Variants in CALB1 observed in about 807,000 individuals in gnomAD.
CALB1 encodes the protein calbindin.
In CALB1, 16 loss-of-function variants were observed where a neutral mutation model predicts 46.7. The observed-to-expected ratio is 0.34, with a 90% CI of 0.23 to 0.52. The LOEUF is 0.52. CALB1 is among the 20% of genes least tolerant of loss of function. The pLI is 0.95. For missense variants in CALB1, 224 were observed against 300.3 expected (o/e 0.75, Z 1.88); for synonymous variants, 90 against 112.8 (o/e 0.80, Z 1.28).
chr8:90,071,050 A>C (rs368356663), intron 3 of CALB1, among the ~76,000 whole-genome samples: 68 of 152,286 alleles, frequency 4.5e-4, no homozygotes, highest in African/African-American at 1.5e-3. Flanking sequence ...AAGAGGTTGA[A>C]TGATGACCTG....
chr8:90,071,786 G>A (rs1220766708), intron 3 of CALB1, among the ~76,000 whole-genome samples: 1 of 152,122 alleles, frequency 6.6e-6, no homozygotes, highest in Admixed American at 6.5e-5. Context: ...ATGAATATAA[G>A]TGTTCATTTA....
At chr8:90,082,557 G>T in intron 1 of CALB1, 62 bp downstream of exon 1, 2 of 1,346,092 alleles carry the variant, frequency 1.5e-6, no homozygotes, top group Non-Finnish European at 2.1e-6. Flanking sequence ...TCAGAAAAGG[G>T]CAAAGAATGG....
intron 3 of CALB1, among the ~76,000 whole-genome samples, chr8:90,076,446 C>G (rs899862137): frequency 6.6e-6 from 1 of 152,030 alleles, no homozygotes; most frequent in East Asian, 1.9e-4. Context: ...TAAAATAGAT[C>G]TTCATTTTAT....
intron 3 of CALB1, among the ~76,000 whole-genome samples, chr8:90,075,181 A>G (rs1190741997): frequency 6.6e-6 from 1 of 152,212 alleles, no homozygotes; most frequent in Non-Finnish European, 1.5e-5. Context: ...TAGCAAATGC[A>G]TGTTGTTAGA....
intron 2 of CALB1, among the ~76,000 whole-genome samples, chr8:90,080,040 C>A (rs1461096890): frequency 2.6e-5 from 4 of 151,802 alleles, no homozygotes; most frequent in Non-Finnish European, 5.9e-5. Flanking sequence ...AACTCTGAAT[C>A]CACATCTTGA....
rs1299660601 is a variant in CALB1 at position 90,069,191 on chromosome 8, C to G, written c.278G>C (p.Arg93Pro). ...PTEENFLLLFRCQQLKSCEEF... is the reference protein window; with the variant it reads ...PTEENFLLLFPCQQLKSCEEF... ...CTCACAGGACTTCAGCTGCTGGCAT[C>G]GGAAGAGCAGCAGGAAATTCTCTTC... The change falls in exon 4 of 11, where the codon CGA (arginine) becomes CCA (proline). Residue 93 changes from arginine to proline, a missense_variant. Transcript: ENST00000265431. 2 of 1,613,932 alleles carry G rather than the reference C, an allele frequency of 1.2e-6. No homozygotes were observed. Among genetic ancestry groups the G allele is most frequent in the South Asian group, 1.1e-5 (1 of 91,066 alleles).
chr8:90,078,476 T>C, intron 2 of CALB1, 29 bp from the exon 3 acceptor site: 1 of 1,352,304 alleles, frequency 7.4e-7, no homozygotes, highest in Non-Finnish European at 1.0e-6. Flanking sequence ...AGGTAGGAGG[T>C]TTGTTAAAAA....
chr8:90,077,383 A>G (rs1814640951), intron 3 of CALB1, among the ~76,000 whole-genome samples: 1 of 152,082 alleles, frequency 6.6e-6, no homozygotes, highest in Non-Finnish European at 1.5e-5. Context: ...CAATTATTTG[A>G]AAACCAGGTT....
intron 3 of CALB1, among the ~76,000 whole-genome samples, chr8:90,074,012 A>C (rs1457979628): frequency 6.6e-6 from 1 of 151,304 alleles, no homozygotes; most frequent in African/African-American, 2.4e-5. Flanking sequence ...TTAGCCAAGC[A>C]TTCATTTTTT....
At chr8:90,062,245 A>G (rs13249920) in intron 9 of CALB1, 1 of 152,094 alleles carries the variant, frequency 6.6e-6, no homozygotes, top group Non-Finnish European at 1.5e-5. Flanking sequence ...CTAGAAGCAA[A>G]CAAACATAAG....
In CALB1 at chr8:90,063,040, G is replaced by C. The variant is rs978256050; in HGVS notation, c.600+60C>G. On this transcript the variant is annotated intron_variant, in intron 9 of 10. Coordinates refer to ENST00000265431, the MANE Select transcript of CALB1 (RefSeq NM_004929.4). ...ATTTTATACTTAAATTTTGTTAAGA[G>C]GATCTTATGTTGTGTTCTTACTTCA... is the stretch of plus-strand genomic sequence containing the variant. 5 of 1,197,970 alleles carry C rather than the reference G, an allele frequency of 4.2e-6. No individual in the cohort carries two copies. In the African/African-American group the frequency reaches 6.1e-5, roughly 15 times the overall value. 74.2% of individuals were successfully genotyped at this position (1,197,970 alleles called of 1,614,324 possible). A position where few individuals can be genotyped will look rare whatever the true frequency, so the allele number is the denominator to read the frequency against.
chr8:90,082,358 C>A (rs1814748408), intron 1 of CALB1: 1 of 602,718 alleles, frequency 1.7e-6, no homozygotes, highest in East Asian at 2.7e-5. Context: ...ATTCCCCAAT[C>A]CCTGCTCTCT....
Position 90,068,981 on chromosome 8 carries a change from A to G in CALB1, c.372+17T>C, listed in dbSNP as rs377552622. 1.9e-6 allele frequency: 3 copies of G among 1,590,314 alleles called. No homozygotes were observed. The highest frequency in any genetic ancestry group is 1.4e-5 in the African/African-American group (1 of 73,708). ...CATCTGAAAGGAAAAACTTAGTACA[A>G]GTTTTTATTTGCTTACCTTAAGCTC... On this transcript the variant is annotated intron_variant, in intron 5 of 10. Coordinates refer to ENST00000265431, the MANE Select transcript of CALB1 (RefSeq NM_004929.4).
chr8:90,063,048 T>C, intron 9 of CALB1, 52 bp downstream of exon 9: 1 of 1,287,082 alleles, frequency 7.8e-7, no homozygotes, highest in Non-Finnish European at 1.1e-6. Context: ...GAGGATCTTA[T>C]GTTGTGTTCT....
Position 90,060,075 on chromosome 8 carries a change from A to T in CALB1, c.*98T>A, listed in dbSNP as rs1478326738. The T allele has an allele frequency of 6.7e-6, 5 of 742,930 alleles. No individual in the cohort carries two copies. The Admixed American group carries it at 9.7e-5, about 14-fold the overall frequency. The allele number at this position is 742,930 out of a possible 1,614,324, so 46.0% of individuals were successfully genotyped here. The stretch of plus-strand genomic sequence containing the variant: ...TGGATAATTATCTATATGCAGTTAA[A>T]TTTACAGATATAAAAGAAAATACAG... On this transcript the variant is annotated 3_prime_UTR_variant, in exon 11 of 11. Coordinates refer to ENST00000265431, the MANE Select transcript of CALB1 (RefSeq NM_004929.4).
intron 6 of CALB1, among the ~76,000 whole-genome samples, chr8:90,064,784 A>C (rs898045619): frequency 6.6e-6 from 1 of 151,802 alleles, no homozygotes; most frequent in African/African-American, 2.4e-5. Flanking sequence ...ATGACCATGA[A>C]AACCTTTTTG....
intron 5 of CALB1, among the ~76,000 whole-genome samples, chr8:90,067,658 A>C (rs1814425784): frequency 6.6e-6 from 1 of 152,176 alleles, no homozygotes; most frequent in Admixed American, 6.5e-5. Flanking sequence ...TATGCTACTC[A>C]AACTATGTTG....
At chr8:90,072,759 G>A (rs1814555275) in intron 3 of CALB1, among the ~76,000 whole-genome samples, 1 of 152,110 alleles carries the variant, frequency 6.6e-6, no homozygotes, top group Non-Finnish European at 1.5e-5. Context: ...TCTCAGATAT[G>A]CTAAGTCACT....
intron 9 of CALB1, 155 bp downstream of exon 9, chr8:90,062,945 C>T: frequency 1.8e-6 from 1 of 550,504 alleles, no homozygotes; most frequent in Non-Finnish European, 3.2e-6. Flanking sequence ...GGCATAAAGT[C>T]TCAATTATAT....
Sources: gnomAD v4.1 joint callset for allele counts (sites outside exome capture counted in the v4.1 genomes callset) on GRCh38, gnomAD v4.1.1 for gene constraint, MANE v1.5 for transcripts, NCBI Gene and HGNC (gene_info 2026-07-23, HGNC 2026-07-21) for gene names.